Variants in LILRB4 observed in about 807,000 individuals in gnomAD.
LILRB4 encodes leukocyte immunoglobulin-like receptor subfamily B member 4.
A neutral mutation model predicts 55.2 loss-of-function variants in LILRB4; 49 were observed. The ratio of observed to expected loss-of-function variants is 0.89; its 90% CI spans 0.71 to 1.13. LILRB4 has a LOEUF of 1.13. Ranked by LOEUF, LILRB4 falls within the 50% of genes most tolerant of loss-of-function variation. LILRB4 has a pLI of 0.00. For synonymous variants in LILRB4, 229 were observed against 213.8 expected (o/e 1.07, Z -0.62); for missense variants, 590 against 555.2 (o/e 1.06, Z -0.63).
exon 11 of LILRB4, chr19:54,667,657 C>A: frequency 6.2e-7 from 1 of 1,611,384 alleles, no homozygotes. Context: ...GATGAAGACC[C>A]CCAGGCAGTG....
chr19:54,667,389 C>A, intron 10 of LILRB4: 2 of 744,916 alleles, frequency 2.7e-6, no homozygotes, highest in South Asian at 1.9e-5. Context: ...CGTGCAAAGG[C>A]CCCGAGGCAG....
In LILRB4 at chr19:54,666,464, TG is replaced by T; in HGVS notation, c.988+32del. The T allele has an allele frequency of 1.2e-6, 2 of 1,613,328 alleles. No homozygotes were observed. Among genetic ancestry groups the T allele is most frequent in the Non-Finnish European group, 1.7e-6 (2 of 1,179,418 alleles). On this transcript the variant is annotated intron_variant, in intron 9 of 11. Coordinates refer to ENST00000430952, the Ensembl canonical transcript of LILRB4. The surrounding 1 kb of genome is among the most constrained non-coding windows in gnomAD (Gnocchi z 4.8). Reference sequence around the variant, plus strand: ...GAGTGAGAGGCAGAGAAGGTGCACCTGGGGTGGAGCTGGGGGTCCCAAAATT... The same window carrying T: ...GAGTGAGAGGCAGAGAAGGTGCACCTGGGTGGAGCTGGGGGTCCCAAAATT...
chr19:54,666,416 A>G lies in LILRB4; in HGVS notation c.968A>G (p.Asp323Gly), dbSNP rs748381376. 34 of 1,614,000 alleles carry G rather than the reference A, an allele frequency of 2.1e-5. No homozygotes were observed. Among genetic ancestry groups the G allele is most frequent in the Non-Finnish European group, 2.7e-5 (32 of 1,179,976 alleles). Reference sequence around the variant, plus strand: ...TCCCCCAGGTCCAGCCCAGCTGCTGACGTCCAGGGAGAAAACTTCTGTGAG... The same window carrying G: ...TCCCCCAGGTCCAGCCCAGCTGCTGGCGTCCAGGGAGAAAACTTCTGTGAG... The change falls in exon 9 of 12, where the codon GAC (aspartate) becomes GGC (glycine). Residue 323 changes from aspartate (D) to glycine (G), a missense_variant. Coordinates refer to ENST00000430952, the Ensembl canonical transcript of LILRB4. The surrounding 1 kb of genome is among the most constrained non-coding windows in gnomAD (Gnocchi z 4.8).
chr19:54,668,045 G>A, exon 12 of LILRB4: 4 of 1,613,278 alleles, frequency 2.5e-6, no homozygotes, highest in Non-Finnish European at 3.4e-6. Flanking sequence ...GACCCCACAA[G>A]CCATGGAGAC....
chr19:54,666,684 T>C lies in LILRB4; in HGVS notation c.989-13T>C. 1 of 1,613,900 alleles carries C rather than the reference T, an allele frequency of 6.2e-7. No individual in the cohort carries two copies. Among genetic ancestry groups the C allele is most frequent in the Non-Finnish European group, 8.5e-7 (1 of 1,179,820 alleles). On this transcript the variant is annotated splice_polypyrimidine_tract_variant and intron_variant, in intron 9 of 11. Coordinates refer to ENST00000430952, the Ensembl canonical transcript of LILRB4. This position sits in a 1 kb window ranked among gnomAD's most constrained non-coding sequence, Gnocchi z 4.8. The stretch of plus-strand genomic sequence containing the variant: ...CCTTCCCAGGAGATGAACCCCTTGC[T>C]CTACCCCAGCAGGTGCTGCCGTGAA...
chr19:54,666,318 A>C lies in LILRB4; in HGVS notation c.950+3A>C. On this transcript the variant is annotated splice_donor_region_variant and intron_variant, in intron 8 of 11. Coordinates refer to ENST00000430952, the Ensembl canonical transcript of LILRB4. This position sits in a 1 kb window ranked among gnomAD's most constrained non-coding sequence, Gnocchi z 4.8. ...AAGGACGGGGGCCTACAGAGGAGGT[A>C]ATTCTGCCCAAAGACCTCAGACTCC... 1 of 1,609,410 alleles carries C rather than the reference A, an allele frequency of 6.2e-7. No individual in the cohort carries two copies. Among genetic ancestry groups the C allele is most frequent in the Non-Finnish European group, 8.5e-7 (1 of 1,177,524 alleles).
At chr19:54,664,375 T>C in exon 4 of LILRB4, 1 of 1,613,920 alleles carries the variant, frequency 6.2e-7, no homozygotes. Flanking sequence ...GAATTCCCCA[T>C]GAGTCCTGTG....
chr19:54,665,888 C>T lies in LILRB4; in HGVS notation c.831C>T (p.Phe277=). The T allele has an allele frequency of 6.2e-7, 1 of 1,613,762 alleles. No individual in the cohort carries two copies. Among genetic ancestry groups the T allele is most frequent in the African/African-American group, 1.3e-5 (1 of 74,912 alleles). The change falls in exon 7 of 12, where the codon TTC becomes TTT. Residue 277 remains phenylalanine (F), a synonymous_variant. Transcript: ENST00000430952. This position sits in a 1 kb window ranked among gnomAD's most constrained non-coding sequence, Gnocchi z 5.5. ...TCCTGCTTCTCTCCCTCCTCCTCTT[C>T]CTCCTCCTCCAACACTGGCGTCAGG...
intron 10 of LILRB4, chr19:54,667,142 C>T (rs1271021685): frequency 8.7e-6 from 5 of 577,000 alleles, no homozygotes; most frequent in Admixed American, 4.4e-5. Context: ...AGCAAAGCCG[C>T]CCCCGCCTCC....
chr19:54,663,443 C>CGAAAAAAAAAAA (rs2065103007), intron 1 of LILRB4, 89 bp from the exon 2 acceptor site: 1 of 680,228 alleles, frequency 1.5e-6, no homozygotes, highest in Admixed American at 4.5e-5. Context: ...GACTCCGTCT[C>CGAAAAAAAAAAA]AAAAAAAAAA....
rs763556709 is a variant in LILRB4 at position 54,666,291 on chromosome 19, C to T, written c.926C>T (p.Pro309Leu). Residue 309 changes from proline to leucine, a missense_variant, in exon 8 of 12, where the codon CCC (proline) becomes CTC (leucine). Coordinates refer to ENST00000430952, the Ensembl canonical transcript of LILRB4. The surrounding 1 kb of genome is among the most constrained non-coding windows in gnomAD (Gnocchi z 4.8). ...CCTCCAGGGGCTGCCGAGCCAGAGCCCAAGGACGGGGGCCTACAGAGGAGG... is the reference window on the plus strand; with the variant it reads ...CCTCCAGGGGCTGCCGAGCCAGAGCTCAAGGACGGGGGCCTACAGAGGAGG... 3 of 1,610,184 alleles carry T rather than the reference C, an allele frequency of 1.9e-6. No individual in the cohort carries two copies. The highest frequency in any genetic ancestry group is 2.5e-6 in the Non-Finnish European group (3 of 1,177,950).
In LILRB4 at chr19:54,665,152, C is replaced by T. The variant is rs748477355; in HGVS notation, c.729C>T (p.Leu243=). 6.2e-7 allele frequency: 1 copy of T among 1,606,636 alleles called. No homozygotes were observed. The highest frequency in any genetic ancestry group is 8.5e-7 in the Non-Finnish European group (1 of 1,176,154). The change falls in exon 6 of 12, where the codon CTC becomes CTT. Residue 243 remains leucine, a synonymous_variant. Transcript: ENST00000430952. The surrounding 1 kb of genome is among the most constrained non-coding windows in gnomAD (Gnocchi z 5.5). ...CAGCAGGCCCTGAGGACCAGCCCCT[C>T]ATGCCTACAGGGTCAGTCCCCCACA...
At chr19:54,663,562 A>C (rs753209658) in exon 2 of LILRB4, 1 of 1,613,240 alleles carries the variant, frequency 6.2e-7, no homozygotes, top group South Asian at 1.1e-5. Context: ...ACCCACATGC[A>C]GGCAGGTGAG....
At chr19:54,663,393 C>T in intron 1 of LILRB4, 139 bp from the exon 2 acceptor site, 2 of 1,309,224 alleles carry the variant, frequency 1.5e-6, no homozygotes, top group South Asian at 1.5e-5. Flanking sequence ...TTGCAGTGAG[C>T]CAAGATCGCA....
intron 10 of LILRB4, chr19:54,667,420 G>T (rs1403799797): frequency 2.0e-5 from 20 of 1,014,376 alleles, no homozygotes; most frequent in Non-Finnish European, 2.6e-5. Context: ...TTGCAGGAAG[G>T]CCGCGTGAGG....
chr19:54,663,431 G>C, intron 1 of LILRB4, 101 bp from the exon 2 acceptor site: 1 of 872,358 alleles, frequency 1.1e-6, no homozygotes, highest in South Asian at 1.7e-5. Flanking sequence ...GGGTGACAGC[G>C]AGACTCCGTC....
chr19:54,665,752 G>A lies in LILRB4; in HGVS notation c.758-63G>A. ...GAAAGACCCAGCACACACAGTAGGT[G>A]CACACACAGTAGGTGTGCACATCAA... On this transcript the variant is annotated intron_variant, in intron 6 of 11. Coordinates refer to ENST00000430952, the Ensembl canonical transcript of LILRB4. This position sits in a 1 kb window ranked among gnomAD's most constrained non-coding sequence, Gnocchi z 5.5. 1 of 1,541,946 alleles carries A rather than the reference G, an allele frequency of 6.5e-7. No individual in the cohort carries two copies. The highest frequency in any genetic ancestry group is 8.8e-7 in the Non-Finnish European group (1 of 1,137,012).
exon 12 of LILRB4, chr19:54,667,987 C>A: frequency 6.2e-7 from 1 of 1,614,146 alleles, no homozygotes; most frequent in Non-Finnish European, 8.5e-7. Context: ...TCCAGCTGAG[C>A]CCAGTGTCTA....
At chr19:54,663,932 C>A (rs140343425) in exon 3 of LILRB4, 31 of 1,614,050 alleles carry the variant, frequency 1.9e-5, no homozygotes, top group Non-Finnish European at 2.4e-5. Context: ...AGGCCAGATT[C>A]TCCATCCCAT....
Sources: allele counts gnomAD v4.1 joint callset, GRCh38; gene constraint gnomAD v4.1.1; non-coding constraint Gnocchi (gnomAD v3.1); transcripts MANE v1.5; gene names NCBI Gene and HGNC (gene_info 2026-07-23, HGNC 2026-07-21).